The following ZNF451 variants were observed in gnomAD, a reference collection of about 807,000 sequenced individuals.
ZNF451 encodes the protein zinc finger protein 451.
In ZNF451, 80 loss-of-function variants were observed where a neutral mutation model predicts 107.1. That is an observed-to-expected ratio of 0.75 (90% CI 0.62 to 0.90). The LOEUF (loss-of-function observed/expected upper bound fraction) is 0.90. ZNF451 is among the 40% of genes least tolerant of loss of function. The probability of loss-of-function intolerance (pLI) is 0.00; values close to 1 mark genes in which losing one functional copy is unlikely to be tolerated. For synonymous variants in ZNF451, 362 were observed against 406.5 expected (o/e 0.89, Z 1.32); for missense variants, 1,107 against 1,236.2 (o/e 0.90, Z 1.57).
chr6:57,120,914 T>C (rs1830608116), intron 3 of ZNF451, among the ~76,000 whole-genome samples: 1 of 152,216 alleles, frequency 6.6e-6, no homozygotes, highest in African/African-American at 2.4e-5. Context: ...AATTATTTTT[T>C]TCAAGGACCG....
At chr6:57,107,099 T>A (rs45472393) in intron 3 of ZNF451, 21,097 of 985,276 alleles carry the variant, frequency 0.021, 253 homozygotes, top group Non-Finnish European at 0.023. Context: ...AGATAACTTA[T>A]TACTGGAAAT....
intron 13 of ZNF451, among the ~76,000 whole-genome samples, chr6:57,155,839 T>TA (rs1241500522): frequency 2.1e-5 from 3 of 144,786 alleles, no homozygotes; most frequent in Non-Finnish European, 3.0e-5. Context: ...TTTTTTTTTT[T>TA]AATCACTCAT....
intron 2 of ZNF451, among the ~76,000 whole-genome samples, chr6:57,094,631 C>T (rs1829204040): frequency 6.6e-6 from 1 of 151,984 alleles, no homozygotes; most frequent in Admixed American, 6.6e-5. Context: ...AAATATTATA[C>T]CAAATTATTT....
intron 13 of ZNF451, among the ~76,000 whole-genome samples, chr6:57,157,536 A>G (rs1246450676): frequency 1.3e-5 from 2 of 152,124 alleles, no homozygotes; most frequent in Non-Finnish European, 2.9e-5. Flanking sequence ...TCTTTTCTCT[A>G]CTTGTAAGCA....
chr6:57,123,903 C>T (rs538252545), intron 3 of ZNF451, among the ~76,000 whole-genome samples: 2 of 152,068 alleles, frequency 1.3e-5, no homozygotes, highest in Non-Finnish European at 2.9e-5. Context: ...TTATTAGTTC[C>T]AGGAATGATT....
chr6:57,100,210 A>G (rs866135937), intron 3 of ZNF451, among the ~76,000 whole-genome samples: 1 of 152,114 alleles, frequency 6.6e-6, no homozygotes, highest in African/African-American at 2.4e-5. Context: ...CTTTGCCATC[A>G]TTAGCTTCTT....
chr6:57,148,803 G>A, intron 10 of ZNF451, 110 bp downstream of exon 10: 1 of 1,024,642 alleles, frequency 9.8e-7, no homozygotes, highest in Non-Finnish European at 1.4e-6. Flanking sequence ...TTGATGGTAT[G>A]TTAATTATTA....
At chr6:57,138,791 A>AT (rs1222260879) in intron 7 of ZNF451, among the ~76,000 whole-genome samples, 39 of 72,486 alleles carry the variant, frequency 5.4e-4, no homozygotes, top group Non-Finnish European at 8.5e-4. Flanking sequence ...ATATATATAA[A>AT]ATTTTTTTTT....
At position 57,148,549 on chromosome 6, in the gene ZNF451, C is replaced by T; in HGVS notation, c.2464C>T (p.His822Tyr). 7 of 1,613,974 alleles carry T rather than the reference C, an allele frequency of 4.3e-6. No homozygotes were observed. The East Asian group carries it at 1.6e-4, about 36-fold the overall frequency. Residue 822 changes from histidine (H) to tyrosine (Y), a missense_variant, in exon 10 of 15, where the codon CAT becomes TAT. This residue lies in a region of ZNF451 where 608 missense variants were observed against 649.2 expected (regional missense o/e 0.94). Coordinates refer to ENST00000370706, the MANE Select transcript of ZNF451 (RefSeq NM_001031623.3). ...CTTCTTACAGAAACCCAGTGTGGCT[C>T]ATTTTGGATCTGAAAAATCAAACCT... ...HCFLQKPSVA[H>Y]FGSEKSNLYK... is the part of the protein sequence containing the mutation.
intron 2 of ZNF451, among the ~76,000 whole-genome samples, chr6:57,095,071 A>G (rs1173705762): frequency 1.3e-5 from 2 of 152,166 alleles, no homozygotes; most frequent in Non-Finnish European, 2.9e-5. Context: ...TACTTCCGTA[A>G]GCTCATTATC....
intron 3 of ZNF451, chr6:57,115,668 C>T (rs915860858): frequency 3.3e-5 from 5 of 152,182 alleles, no homozygotes; most frequent in African/African-American, 1.2e-4. Flanking sequence ...TTTACATCCT[C>T]CTTAATTCTA....
chr6:57,097,153 TTCTTTAA>T (rs1829368106), intron 2 of ZNF451, among the ~76,000 whole-genome samples: 2 of 152,312 alleles, frequency 1.3e-5, no homozygotes, highest in Admixed American at 1.3e-4. Flanking sequence ...CTTCCTCTGT[TTCTTTAA>T]TTTTTACTTC....
chr6:57,138,332 G>A (rs755445811), intron 7 of ZNF451, among the ~76,000 whole-genome samples: 4 of 150,912 alleles, frequency 2.7e-5, no homozygotes, highest in Admixed American at 2.6e-4. Context: ...GTGCAGTTTC[G>A]GCTCACTGCA....
rs147274086 is a variant in ZNF451 at position 57,129,538 on chromosome 6, G to A, written c.424+698G>A. ...ACAAAGTTTAATTACAAAAGTTCAT[G>A]GAAATATCTATGCATGCAATGCTTA... On this transcript the variant is annotated intron_variant, in intron 5 of 14. Transcript: ENST00000370706. Among the ~76,000 whole-genome samples the A allele has an allele frequency of 1.3e-3, 193 of 152,218 alleles. 1 individual carries two copies. The highest frequency in any genetic ancestry group is 3.9e-3 in the African/African-American group (161 of 41,546).
Position 57,124,856 on chromosome 6 carries a change from C to CAA in ZNF451, c.310_311insAA (p.Arg104LysfsTer36), listed in dbSNP as rs1233174888. ...AGAAAGAAGAGAAGAATAGAGCATT[C>CAA]AGAGTATGTGCTATTTTAATTGGTA... is the stretch of plus-strand genomic sequence containing the variant. On this transcript the variant is annotated frameshift_variant, in exon 4 of 15. Transcript: ENST00000370706. LOFTEE classifies it high-confidence loss of function. The CAA allele has an allele frequency of 1.3e-6, 2 of 1,590,970 alleles. No homozygotes were observed. The highest frequency in any genetic ancestry group is 1.7e-6 in the Non-Finnish European group (2 of 1,168,304).
Position 57,128,783 on chromosome 6 carries a change from G to T in ZNF451, c.367G>T (p.Gly123Ter). 1 of 1,612,900 alleles carries T rather than the reference G, an allele frequency of 6.2e-7. No homozygotes were observed. Among genetic ancestry groups the T allele is most frequent in the Non-Finnish European group, 8.5e-7 (1 of 1,179,390 alleles). The change falls in exon 5 of 15, where the codon GGA becomes TGA. Residue 123 changes from glycine to a stop codon, truncating the protein, a stop_gained. Coordinates refer to ENST00000370706, the MANE Select transcript of ZNF451 (RefSeq NM_001031623.3). LOFTEE classifies it high-confidence loss of function. ...HGLQELEFIR[G>*]HSDTEAARLC... ...GTTACAAGAATTGGAATTTATTCGA[G>T]GACATTCTGATACAGAAGCAGCAAG...
chr6:57,111,675 C>T (rs1830123407), intron 3 of ZNF451, among the ~76,000 whole-genome samples: 1 of 152,148 alleles, frequency 6.6e-6, no homozygotes, highest in African/African-American at 2.4e-5. Flanking sequence ...GCCACCACGC[C>T]TGGCCGTATA....
chr6:57,109,701 T>C, intron 3 of ZNF451: 1 of 968,332 alleles, frequency 1.0e-6, no homozygotes, highest in Non-Finnish European at 1.2e-6. Flanking sequence ...CATTAAAAGA[T>C]ATATTTAAAG....
At chr6:57,138,539 G>A (rs941268848) in intron 7 of ZNF451, among the ~76,000 whole-genome samples, 2 of 151,482 alleles carry the variant, frequency 1.3e-5, no homozygotes, top group African/African-American at 4.9e-5. Context: ...TGGGATTACA[G>A]GCATGAGCCA....
Sources: allele counts gnomAD v4.1 joint callset (sites outside exome capture counted in the v4.1 genomes callset), GRCh38; gene constraint gnomAD v4.1.1; regional missense constraint gnomAD v4.1.1; transcripts MANE v1.5; gene names NCBI Gene and HGNC (gene_info 2026-07-23, HGNC 2026-07-21).